Variants in CLIP4 observed in about 807,000 individuals in gnomAD.
CLIP4 encodes CAP-Gly domain containing linker protein family member 4.
A neutral mutation model predicts 73.1 loss-of-function variants in CLIP4; 47 were observed. The observed-to-expected ratio is 0.64, with a 90% CI of 0.51 to 0.82. The LOEUF is 0.82. CLIP4 is among the 40% of genes least tolerant of loss of function. The pLI is 0.00. For synonymous variants in CLIP4, 306 were observed against 295.4 expected, an observed-to-expected ratio of 1.04 and a Z score of -0.37; for missense variants, 874 against 852.9, an observed-to-expected ratio of 1.02 and a Z score of -0.31.
intron 1 of CLIP4, among the ~76,000 whole-genome samples, chr2:29,108,428 G>C (rs970810830): frequency 2.6e-5 from 4 of 152,132 alleles, no homozygotes; most frequent in African/African-American, 9.7e-5. Flanking sequence ...GATCCCAGGC[G>C]GGACGGGGCA....
intron 4 of CLIP4, 84 bp from the exon 5 acceptor site, chr2:29,133,571 G>A (rs1335613870): frequency 6.7e-6 from 9 of 1,343,406 alleles, no homozygotes; most frequent in Non-Finnish European, 9.2e-6. Context: ...GTTTGCTTTG[G>A]CTTTTTAAAT....
At chr2:29,104,174 A>G (rs1668135748) in intron 1 of CLIP4, among the ~76,000 whole-genome samples, 1 of 152,222 alleles carries the variant, frequency 6.6e-6, no homozygotes, top group South Asian at 2.1e-4. Context: ...GGAAAGGGAC[A>G]CGTCTTATGG....
chr2:29,123,497 A>G (rs1008375095), intron 2 of CLIP4, among the ~76,000 whole-genome samples: 3 of 152,178 alleles, frequency 2.0e-5, no homozygotes, highest in Admixed American at 6.5e-5. Flanking sequence ...ATAGAGAACA[A>G]TGGGGGCAAG....
intron 14 of CLIP4, among the ~76,000 whole-genome samples, chr2:29,169,299 A>G (rs1051977096): frequency 1.3e-5 from 2 of 150,242 alleles, no homozygotes; most frequent in African/African-American, 2.5e-5. Flanking sequence ...ATGGCCTTCT[A>G]TCTCTGGTGT....
chr2:29,178,221 C>T (rs1232726366), intron 15 of CLIP4, among the ~76,000 whole-genome samples: 1 of 150,932 alleles, frequency 6.6e-6, no homozygotes, highest in Non-Finnish European at 1.5e-5. Context: ...GCTCTTGTTG[C>T]CCAAGCTGGA....
intron 1 of CLIP4, among the ~76,000 whole-genome samples, chr2:29,109,340 C>T (rs1196266195): frequency 1.3e-5 from 2 of 152,026 alleles, no homozygotes; most frequent in Non-Finnish European, 2.9e-5. Context: ...GTTCCGTCTT[C>T]CTTTATGTAG....
intron 12 of CLIP4, among the ~76,000 whole-genome samples, chr2:29,162,667 G>A (rs943086739): frequency 1.6e-4 from 24 of 152,188 alleles, no homozygotes; most frequent in African/African-American, 5.8e-4. Flanking sequence ...CTGTAGCACT[G>A]AGAAATAACA....
chr2:29,109,044 T>C (rs1212804003), intron 1 of CLIP4, among the ~76,000 whole-genome samples: 2 of 152,260 alleles, frequency 1.3e-5, no homozygotes, highest in Non-Finnish European at 2.9e-5. Context: ...GTTGGATGAT[T>C]GCATCCTCAT....
At position 29,181,757 on chromosome 2, in the gene CLIP4, C is replaced by T; in HGVS notation, c.1982C>T (p.Ala661Val). Reference protein sequence around the residue: ...GIWLGLELRSAKGKNDGSVGD... With the variant: ...GIWLGLELRSVKGKNDGSVGD... ...TGGCTTGGACTTGAGCTCCGAAGCG[C>T]CAAGGGAAAAAATGATGGGTCAGTG... The change falls in exon 16 of 16, where the codon GCC becomes GTC. Residue 661 changes from alanine (A) to valine (V), a missense_variant. Coordinates refer to ENST00000320081, the MANE Select transcript of CLIP4 (RefSeq NM_024692.6). 6.2e-7 allele frequency: 1 copy of T among 1,613,978 alleles called. No homozygotes were observed. The highest frequency in any genetic ancestry group is 8.5e-7 in the Non-Finnish European group (1 of 1,179,996).
chr2:29,143,551 C>T lies in CLIP4; in HGVS notation c.649-158C>T, dbSNP rs1268767236. On this transcript the variant is annotated intron_variant, in intron 6 of 15. Coordinates refer to ENST00000320081, the MANE Select transcript of CLIP4 (RefSeq NM_024692.6). ...TTTTTTCACTGTAGGATCTTTAGCACCTAGAATGGTGTCTGCATATTGTAG... is the reference window on the plus strand; with the variant it reads ...TTTTTTCACTGTAGGATCTTTAGCATCTAGAATGGTGTCTGCATATTGTAG... 2.0e-5 allele frequency among the ~76,000 whole-genome samples: 3 copies of T among 152,064 alleles called. No individual in the cohort carries two copies. The East Asian group carries it at 5.8e-4, about 29-fold the overall frequency.
chr2:29,164,750 A>G (rs1195803086), intron 13 of CLIP4, among the ~76,000 whole-genome samples: 1 of 152,200 alleles, frequency 6.6e-6, no homozygotes, highest in Non-Finnish European at 1.5e-5. Flanking sequence ...TGTTGTGACT[A>G]TCTCCTGGCA....
chr2:29,124,600 C>T (rs61375265), intron 2 of CLIP4, among the ~76,000 whole-genome samples: 84,473 of 151,874 alleles, frequency 0.56, 24,786 homozygotes, highest in South Asian at 0.73. Context: ...GAAGTTGTCC[C>T]ATAACTCACT....
chr2:29,108,825 T>C (rs1039747827), intron 1 of CLIP4, among the ~76,000 whole-genome samples: 3 of 152,224 alleles, frequency 2.0e-5, no homozygotes, highest in Non-Finnish European at 4.4e-5. Flanking sequence ...GAAAATATAA[T>C]TTAATATCCA....
chr2:29,158,524 G>A (rs1667085042), intron 11 of CLIP4, among the ~76,000 whole-genome samples: 1 of 152,128 alleles, frequency 6.6e-6, no homozygotes, highest in African/African-American at 2.4e-5. Flanking sequence ...GAGGGAGATG[G>A]GCCGAGAATG....
intron 15 of CLIP4, among the ~76,000 whole-genome samples, chr2:29,179,523 C>T (rs936639599): frequency 3.3e-5 from 5 of 152,292 alleles, no homozygotes; most frequent in Middle Eastern, 6.8e-3. Flanking sequence ...ACCTTAGGCA[C>T]ATAGCTTAGT....
chr2:29,128,219 A>G (rs2148479049), intron 2 of CLIP4, among the ~76,000 whole-genome samples: 1 of 151,448 alleles, frequency 6.6e-6, no homozygotes, highest in Middle Eastern at 3.4e-3. Flanking sequence ...GAAATAGAAC[A>G]AGATTTTCTA....
At chr2:29,124,343 G>C (rs944069774) in intron 2 of CLIP4, among the ~76,000 whole-genome samples, 1 of 152,074 alleles carries the variant, frequency 6.6e-6, no homozygotes, top group South Asian at 2.1e-4. Flanking sequence ...CATTGTTTCT[G>C]CTGTCATTTT....
chr2:29,162,467 A>G (rs957409230), intron 12 of CLIP4, among the ~76,000 whole-genome samples: 3 of 152,216 alleles, frequency 2.0e-5, no homozygotes, highest in African/African-American at 7.2e-5. Context: ...GAAGATATCC[A>G]TACCACACCA....
At position 29,181,623 on chromosome 2, in the gene CLIP4, C is replaced by T; in HGVS notation, c.1848C>T (p.Gly616=). The change falls in exon 16 of 16, where the codon GGC becomes GGT. Residue 616 remains glycine (G), a synonymous_variant. Transcript: ENST00000320081. The part of the protein sequence containing the change: ...RSWSSTPTAG[G]IEGSVKLHEG... ...GGAGCAGCACCCCCACCGCAGGTGG[C>T]ATTGAAGGGAGCGTGAAGCTGCACG... The T allele has an allele frequency of 1.2e-6, 2 of 1,613,850 alleles. No individual in the cohort carries two copies. The highest frequency in any genetic ancestry group is 1.7e-6 in the Non-Finnish European group (2 of 1,179,754).
Sources: gnomAD v4.1 joint callset for allele counts (sites outside exome capture counted in the v4.1 genomes callset) on GRCh38, gnomAD v4.1.1 for gene constraint, MANE v1.5 for transcripts, NCBI Gene and HGNC (gene_info 2026-07-23, HGNC 2026-07-21) for gene names.